CTPS2: variants seen among roughly 807,000 people sequenced by gnomAD.
CTPS2 encodes CTP synthase II.
Under a neutral mutation model 46.8 loss-of-function variants are expected in CTPS2, and 19 were observed. The observed-to-expected ratio is 0.41, with a 90% confidence interval of 0.28 to 0.60. The LOEUF is 0.60. Among genes scored for constraint, CTPS2 ranks in the 20% least tolerant of loss-of-function variants. CTPS2 has a pLI of 0.35. For missense variants in CTPS2, 286 were observed against 447.6 expected, an observed-to-expected ratio of 0.64 and a Z score of 3.26; for synonymous variants, 151 against 165.2, an observed-to-expected ratio of 0.91 and a Z score of 0.66.
intron 13 of CTPS2, among the ~76,000 whole-genome samples, chrX:16,656,470 C>T (rs1377976565): frequency 6.5e-5 from 7 of 108,016 alleles, no homozygotes; most frequent in East Asian, 2.9e-4. Context: ...AGTGCAGTGG[C>T]GCCATCTCGG....
chrX:16,639,160 T>G lies in CTPS2; in HGVS notation c.1380A>C (p.Glu460Asp). The G allele has an allele frequency of 2.5e-6, 3 of 1,199,360 alleles. No homozygotes were observed. Among genetic ancestry groups the G allele is most frequent in the Non-Finnish European group, 3.4e-6 (3 of 884,258 alleles). The change falls in exon 14 of 19, where the codon GAA (glutamate) becomes GAC (aspartate). Residue 460 changes from glutamate (E) to aspartate (D), a missense_variant. By Grantham distance (45) the Glu-to-Asp change is conservative. Transcript: ENST00000359276. Reference sequence around the variant, plus strand: ...TGGGAAACTTACTTAATATTGAATTTTCAGTTTTGAAAACAGTTCTTCTTA... The same window carrying G: ...TGGGAAACTTACTTAATATTGAATTGTCAGTTTTGAAAACAGTTCTTCTTA... ...LGIRRTVFKT[E>D]NSILRKLYGD... is the part of the protein sequence containing the mutation.
chrX:16,668,563 C>T (rs1368242773), intron 11 of CTPS2, among the ~76,000 whole-genome samples: 18 of 100,816 alleles, frequency 1.8e-4, no homozygotes, highest in African/African-American at 4.8e-4. Context: ...CCAGCCTGGG[C>T]GACAGAGCGA....
chrX:16,654,513 A>C (rs773607946), intron 13 of CTPS2: 1 of 1,108,599 alleles, frequency 9.0e-7, no homozygotes, highest in Admixed American at 2.2e-5. Flanking sequence ...CCAGTGAAGG[A>C]GAAAACAAAA....
intron 14 of CTPS2, among the ~76,000 whole-genome samples, chrX:16,632,262 C>A (rs1483890290): frequency 9.0e-6 from 1 of 111,109 alleles, no homozygotes; most frequent in African/African-American, 3.3e-5. Flanking sequence ...CAAAGAGAAA[C>A]CCCGTCTCTA....
intron 1 of CTPS2, among the ~76,000 whole-genome samples, chrX:16,709,756 G>C (rs1168951042): frequency 2.0e-5 from 2 of 100,770 alleles, no homozygotes; most frequent in East Asian, 6.7e-4. Flanking sequence ...GGCTGAGGCA[G>C]GAGAATCACT....
upstream of CTPS2, chrX:16,712,784 G>A (rs1302673259): frequency 8.9e-6 from 1 of 112,422 alleles, no homozygotes; most frequent in Non-Finnish European, 1.9e-5. Flanking sequence ...CCGGCTTCCT[G>A]GCAAGCCGAG....
intron 8 of CTPS2, among the ~76,000 whole-genome samples, chrX:16,684,114 T>C (rs1453534210): frequency 9.0e-6 from 1 of 111,650 alleles, no homozygotes; most frequent in African/African-American, 3.3e-5. Context: ...GGAAATGTCA[T>C]CTTGGGGCTG....
At chrX:16,695,764 G>A (rs1480621679) in intron 4 of CTPS2, among the ~76,000 whole-genome samples, 1 of 110,349 alleles carries the variant, frequency 9.1e-6, no homozygotes, top group Non-Finnish European at 1.9e-5. Context: ...TGTTAGACAG[G>A]ATGGCCTCGA....
At chrX:16,693,893 G>A (rs1010196418) in intron 4 of CTPS2, among the ~76,000 whole-genome samples, 24 of 112,088 alleles carry the variant, frequency 2.1e-4, no homozygotes, top group African/African-American at 6.8e-4. Context: ...AAGGCCAGGC[G>A]CAGTGGCTCA....
At chrX:16,697,848 T>C (rs976834972) in intron 4 of CTPS2, among the ~76,000 whole-genome samples, 7 of 112,058 alleles carry the variant, frequency 6.2e-5, no homozygotes, top group African/African-American at 1.9e-4. Flanking sequence ...TCGGAAATAC[T>C]TTTCAAATAG....
At chrX:16,622,707 C>T (rs895559629) in intron 14 of CTPS2, among the ~76,000 whole-genome samples, 4 of 111,563 alleles carry the variant, frequency 3.6e-5, no homozygotes, top group South Asian at 7.6e-4. Flanking sequence ...ATGTTTGAAA[C>T]TGCATGGTTT....
At chrX:16,661,043 T>A (rs1033352045) in intron 13 of CTPS2, among the ~76,000 whole-genome samples, 1 of 109,151 alleles carries the variant, frequency 9.2e-6, no homozygotes, top group Admixed American at 9.8e-5. Context: ...CACTGCAACC[T>A]CCACCTCCCA....
At position 16,691,631 on chromosome X, in the gene CTPS2, C is replaced by T. The variant is rs1923711327; in HGVS notation, c.640-11G>A. ...ACTTCGGCAGACAATCTGTCAAAGC[C>T]AGTTATGCTTCAGCAAACAGGATTC... On this transcript the variant is annotated splice_polypyrimidine_tract_variant and intron_variant, in intron 6 of 18. Transcript: ENST00000359276. 1 of 1,184,126 alleles carries T rather than the reference C, an allele frequency of 8.4e-7. No individual in the cohort carries two copies. The highest frequency in any genetic ancestry group is 1.8e-5 in the African/African-American group (1 of 56,830).
At chrX:16,645,719 G>A (rs1020732105) in intron 13 of CTPS2, among the ~76,000 whole-genome samples, 1 of 112,843 alleles carries the variant, frequency 8.9e-6, no homozygotes. Context: ...TGTGTTGCAA[G>A]CTTAATCCTC....
Position 16,651,198 on chromosome X carries a change from G to A in CTPS2, c.1297-11955C>T. On this transcript the variant is annotated intron_variant, in intron 13 of 18. Coordinates refer to ENST00000359276, the MANE Select transcript of CTPS2 (RefSeq NM_175859.3). ...GGACTGATGGTGGGAGGGGAGGGAG[G>A]GAGGGGAGAGGACTCCGGTAGAGCC... The A allele has an allele frequency of 2.5e-6, 2 of 809,885 alleles. 1 individual carries two copies. Among genetic ancestry groups the A allele is most frequent in the Non-Finnish European group, 3.6e-6 (2 of 550,233 alleles). The allele number at this position is 809,885 out of a possible 1,213,427, so 66.7% of individuals were successfully genotyped here.
At chrX:16,644,240 TC>T in intron 13 of CTPS2, among the ~76,000 whole-genome samples, 1 of 110,278 alleles carries the variant, frequency 9.1e-6, no homozygotes, top group South Asian at 4.0e-4. Flanking sequence ...CTTCAAGTGA[TC>T]CTCCCACCTC....
chrX:16,701,045 G>A lies in CTPS2; in HGVS notation c.166+1692C>T, dbSNP rs142751545. Among the ~76,000 whole-genome samples, 542 of 111,412 alleles carry A rather than the reference G, an allele frequency of 4.9e-3. 5 individuals are homozygous for A. The highest frequency in any genetic ancestry group is 0.017 in the African/African-American group (525 of 30,663). On this transcript the variant is annotated intron_variant, in intron 2 of 18. Transcript: ENST00000359276. ...AACCAGGACAAGTTAACTATCCTACGTGGCCAAACTCCAAGGTCAAAGGGC... is the reference window on the plus strand; with the variant it reads ...AACCAGGACAAGTTAACTATCCTACATGGCCAAACTCCAAGGTCAAAGGGC...
intron 8 of CTPS2, 52 bp downstream of exon 8, chrX:16,689,398 C>T: frequency 8.6e-7 from 1 of 1,157,699 alleles, no homozygotes; most frequent in Non-Finnish European, 1.2e-6. Flanking sequence ...CTTAGTTCTA[C>T]CCCCAAACTC....
chrX:16,699,211 C>A (rs1444532399), intron 2 of CTPS2, 118 bp from the exon 3 acceptor site: 2 of 455,636 alleles, frequency 4.4e-6, no homozygotes, highest in African/African-American at 5.1e-5. Context: ...TATTCTATCA[C>A]CATCTCCTTT....
Sources: allele counts gnomAD v4.1 joint callset (sites outside exome capture counted in the v4.1 genomes callset), GRCh38; gene constraint gnomAD v4.1.1; transcripts MANE v1.5; gene names NCBI Gene and HGNC (gene_info 2026-07-23, HGNC 2026-07-21).